Variants in KLHL31 observed in about 807,000 individuals in gnomAD.
The protein encoded by KLHL31 is kelch like family member 31, also known as kelch-like protein 31.
A neutral mutation model predicts 47.1 loss-of-function variants in KLHL31; 32 were observed. The ratio of observed to expected loss-of-function variants is 0.68; its 90% CI spans 0.51 to 0.91. The LOEUF (loss-of-function observed/expected upper bound fraction) is 0.91, where lower values mean the gene tolerates loss of function less well. KLHL31 is among the 40% of genes least tolerant of loss of function. The pLI is 0.00. For synonymous variants in KLHL31, 330 were observed against 325.1 expected (o/e 1.01, Z -0.16); for missense variants, 797 against 819.3 (o/e 0.97, Z 0.33).
In KLHL31 at chr6:53,655,101, T is replaced by C; in HGVS notation, c.172A>G (p.Asn58Asp). ...ATTTTACTTAAACCTTCCAAGAGGT[T>C]GGGGCCATAAGAAGCATCTGTTAGT... ...SELTDASYGP[N>D]LLEGLSKMRQ... The change falls in exon 2 of 3, where the codon AAC becomes GAC. Residue 58 changes from asparagine to aspartate, a missense_variant. Physicochemically the swap from Asn to Asp is conservative, Grantham distance 23. Coordinates refer to ENST00000370905, the MANE Select transcript of KLHL31 (RefSeq NM_001003760.5). 1 of 1,614,208 alleles carries C rather than the reference T, an allele frequency of 6.2e-7. No individual in the cohort carries two copies. Among genetic ancestry groups the C allele is most frequent in the Non-Finnish European group, 8.5e-7 (1 of 1,180,036 alleles).
intron 1 of KLHL31, among the ~76,000 whole-genome samples, chr6:53,661,093 C>G (rs1764638662): frequency 6.6e-6 from 1 of 152,170 alleles, no homozygotes; most frequent in African/African-American, 2.4e-5. Flanking sequence ...ATGTTGACTT[C>G]AGGGCTGCAG....
rs554072367 is a variant in KLHL31, at chr6:53,652,104, G to A, written c.1399C>T (p.Arg467Cys). Residue 467 changes from arginine to cysteine, a missense_variant, in exon 3 of 3, where the codon CGC becomes TGC. By Grantham distance (180) the Arg-to-Cys change is radical (BLOSUM62 -3). Transcript: ENST00000370905. ...CCHASAVADG[R>C]VLVTGGYIAN... ...ATGTAGCCTCCGGTCACCAGCACGC[G>A]GCCGTCGGCGACCGCGCTAGCGTGG... The A allele has an allele frequency of 2.5e-6, 4 of 1,600,206 alleles. No homozygotes were observed. The highest frequency in any genetic ancestry group is 1.1e-5 in the South Asian group (1 of 90,836).
rs1316762363 is a variant in KLHL31 at position 53,649,124 on chromosome 6, T to C, written c.*2474A>G. 1.3e-5 allele frequency: 2 copies of C among 152,198 alleles called. No individual in the cohort carries two copies. The highest frequency in any genetic ancestry group is 4.8e-5 in the African/African-American group (2 of 41,464). The allele number at this position is 152,198 out of a possible 1,614,324, so 9.4% of individuals were successfully genotyped here. On this transcript the variant is annotated 3_prime_UTR_variant, in exon 3 of 3. Coordinates refer to ENST00000370905, the MANE Select transcript of KLHL31 (RefSeq NM_001003760.5). ...TAGGAGCAACTGCTTCAATAGTTGG[T>C]GTAAAGAATATGTTTCACTTACACA...
At chr6:53,652,544 C>T in intron 2 of KLHL31, 1 of 607,104 alleles carries the variant, frequency 1.6e-6, no homozygotes, top group Non-Finnish European at 2.9e-6. Context: ...ACCCCTCGCC[C>T]CCGTTTATAA....
At position 53,652,138 on chromosome 6, in the gene KLHL31, C is replaced by G; in HGVS notation, c.1365G>C (p.Ala455=). The stretch of plus-strand genomic sequence containing the variant: ...CGACCGCGCTAGCGTGGCAGCAGCG[C>G]GCCACCTCCAGGGGCGTCTTCGGCT... ...QWQPKTPLEV[A]RCCHASAVAD... is the part of the protein sequence containing the mutation. Residue 455 remains alanine, a synonymous_variant, in exon 3 of 3, where the codon GCG becomes GCC. Coordinates refer to ENST00000370905, the MANE Select transcript of KLHL31 (RefSeq NM_001003760.5). 6.2e-7 allele frequency: 1 copy of G among 1,602,748 alleles called. No individual in the cohort carries two copies. The highest frequency in any genetic ancestry group is 8.5e-7 in the Non-Finnish European group (1 of 1,178,376).
Position 53,654,464 on chromosome 6 carries a change from T to G in KLHL31, c.809A>C (p.Asn270Thr), listed in dbSNP as rs201277642. ...CATTCTTGGTACGGATTGAACATAA[T>G]TGACCAGGTCTTGTGCAGAGATGGT... ...FGTISAQDLV[N>T]YVQSVPRMMQ... The change falls in exon 2 of 3, where the codon AAT becomes ACT. Residue 270 changes from asparagine (N) to threonine (T), a missense_variant. Coordinates refer to ENST00000370905, the MANE Select transcript of KLHL31 (RefSeq NM_001003760.5). 2.5e-6 allele frequency: 4 copies of G among 1,614,200 alleles called. No individual in the cohort carries two copies. The highest frequency in any genetic ancestry group is 3.3e-5 in the Admixed American group (2 of 60,032).
chr6:53,655,304 T>C lies in KLHL31; in HGVS notation c.-32A>G. The C allele has an allele frequency of 7.1e-7, 1 of 1,400,422 alleles. No individual in the cohort carries two copies. Among genetic ancestry groups the C allele is most frequent in the Non-Finnish European group, 9.5e-7 (1 of 1,048,002 alleles). 86.7% of individuals were successfully genotyped at this position (1,400,422 alleles called of 1,614,324 possible). A position where few individuals can be genotyped will look rare whatever the true frequency, so the allele number is the denominator to read the frequency against. The stretch of plus-strand genomic sequence containing the variant: ...AAATACACTGTTACAGGCAAGAGCT[T>C]GCTAAAAAGAGAAAAAAAAAAACAT... On this transcript the variant is annotated splice_region_variant and 5_prime_UTR_variant, in exon 2 of 3. Transcript: ENST00000370905.
Position 53,654,542 on chromosome 6 carries a change from T to G in KLHL31, c.731A>C (p.Asp244Ala). 6.2e-7 allele frequency: 1 copy of G among 1,614,200 alleles called. No individual in the cohort carries two copies. Among genetic ancestry groups the G allele is most frequent in the Non-Finnish European group, 8.5e-7 (1 of 1,180,032 alleles). ...FQIAMKWLEF[D>A]QKRVKYAADL... The stretch of plus-strand genomic sequence containing the variant: ...TGCAGCGTATTTTACTCTCTTTTGG[T>G]CAAATTCTAACCATTTCATTGCAAT... The change falls in exon 2 of 3, where the codon GAC becomes GCC. Residue 244 changes from aspartate (D) to alanine (A), a missense_variant. By Grantham distance (126) the Asp-to-Ala change is moderately radical. Coordinates refer to ENST00000370905, the MANE Select transcript of KLHL31 (RefSeq NM_001003760.5).
rs2127366489 is a variant in KLHL31, at chr6:53,648,403, T to C, written c.*3195A>G. ...AATGAGGTGATTTTAGTTTATTTCG[T>C]CTCGTAACTTGGATGAGTTCTGAAG... On this transcript the variant is annotated 3_prime_UTR_variant, in exon 3 of 3. Transcript: ENST00000370905. 1 of 152,308 alleles carries C rather than the reference T, an allele frequency of 6.6e-6. No homozygotes were observed. Among genetic ancestry groups the C allele is most frequent in the Non-Finnish European group, 1.5e-5 (1 of 68,016 alleles). The allele number at this position is 152,308 out of a possible 1,614,324, so 9.4% of individuals were successfully genotyped here. A position where few individuals can be genotyped will look rare whatever the true frequency, so the allele number is the denominator to read the frequency against.
chr6:53,656,931 CTTTTTTTTTTT>C (rs10665063), intron 1 of KLHL31, among the ~76,000 whole-genome samples: 3 of 98,438 alleles, frequency 3.0e-5, no homozygotes, highest in African/African-American at 1.2e-4. Flanking sequence ...GTATTTTTAA[CTTTTTTTTTTT>C]TTTTTTTTGA....
At position 53,650,332 on chromosome 6, in the gene KLHL31, G is replaced by C. The variant is rs6941645; in HGVS notation, c.*1266C>G. ...AAAACTTGGCAAACATATAGGAAAAGTGCTATCAAGTGGGTACACTTTGAT... is the reference window on the plus strand; with the variant it reads ...AAAACTTGGCAAACATATAGGAAAACTGCTATCAAGTGGGTACACTTTGAT... On this transcript the variant is annotated 3_prime_UTR_variant, in exon 3 of 3. Coordinates refer to ENST00000370905, the MANE Select transcript of KLHL31 (RefSeq NM_001003760.5). The C allele has an allele frequency of 6.6e-6, 1 of 152,164 alleles. No homozygotes were observed. Among genetic ancestry groups the C allele is most frequent in the African/African-American group, 2.4e-5 (1 of 41,422 alleles). 9.4% of individuals were successfully genotyped at this position (152,164 alleles called of 1,614,324 possible).
chr6:53,651,465 T>C lies in KLHL31; in HGVS notation c.*133A>G. The C allele has an allele frequency of 1.5e-6, 1 of 673,076 alleles. No individual in the cohort carries two copies. Among genetic ancestry groups the C allele is most frequent in the Non-Finnish European group, 2.2e-6 (1 of 447,042 alleles). 41.7% of individuals were successfully genotyped at this position (673,076 alleles called of 1,614,324 possible). A position where few individuals can be genotyped will look rare whatever the true frequency, so the allele number is the denominator to read the frequency against. ...AGGAATTTAAAGCCATCAGGACATG[T>C]GCCTCGACATATTTTACAATACAAT... On this transcript the variant is annotated 3_prime_UTR_variant, in exon 3 of 3. Transcript: ENST00000370905.
At chr6:53,664,391 T>C (rs1169491610) in intron 1 of KLHL31, among the ~76,000 whole-genome samples, 1 of 152,180 alleles carries the variant, frequency 6.6e-6, no homozygotes, top group Non-Finnish European at 1.5e-5. Context: ...AAACATACTG[T>C]GTGCATATGT....
In KLHL31 at chr6:53,654,243, C is replaced by A; in HGVS notation, c.1030G>T (p.Gly344Ter). ...RDILYRDPEN[G>*]WSKLTEMPAK... ...GGCATTTCCGTAAGCTTGCTCCATC[C>A]ATTTTCAGGGTCTCTATACAAGATG... Residue 344 changes from glycine to a stop codon, truncating the protein, a stop_gained, in exon 2 of 3, where the codon GGA becomes TGA. Coordinates refer to ENST00000370905, the MANE Select transcript of KLHL31 (RefSeq NM_001003760.5). LOFTEE classifies it high-confidence loss of function. 1 of 1,614,188 alleles carries A rather than the reference C, an allele frequency of 6.2e-7. No individual in the cohort carries two copies. The highest frequency in any genetic ancestry group is 8.5e-7 in the Non-Finnish European group (1 of 1,180,026).
In KLHL31 at chr6:53,655,313, G is replaced by T; in HGVS notation, c.-33-8C>A. ...GTTACAGGCAAGAGCTTGCTAAAAA[G>T]AGAAAAAAAAAAACATGGTTTTGTT... On this transcript the variant is annotated splice_region_variant and splice_polypyrimidine_tract_variant and intron_variant, in intron 1 of 2. Coordinates refer to ENST00000370905, the MANE Select transcript of KLHL31 (RefSeq NM_001003760.5). The T allele has an allele frequency of 6.3e-6, 8 of 1,278,964 alleles. No individual in the cohort carries two copies. The highest frequency in any genetic ancestry group is 8.4e-6 in the Non-Finnish European group (8 of 950,286). The allele number at this position is 1,278,964 out of a possible 1,614,324, so 79.2% of individuals were successfully genotyped here.
At chr6:53,653,040 T>C (rs1348980663) in intron 2 of KLHL31, among the ~76,000 whole-genome samples, 1 of 28,044 alleles carries the variant, frequency 3.6e-5, no homozygotes, top group African/African-American at 1.3e-4. Context: ...GATAAATATA[T>C]ATTTTTTTCA....
Position 53,654,558 on chromosome 6 carries a change from T to C in KLHL31, c.715A>G (p.Lys239Glu), listed in dbSNP as rs373170032. 13 of 1,614,076 alleles carry C rather than the reference T, an allele frequency of 8.1e-6. No individual in the cohort carries two copies. The African/African-American group carries it at 1.3e-4, about 17-fold the overall frequency. Residue 239 changes from lysine to glutamate, a missense_variant, in exon 2 of 3, where the codon AAA becomes GAA. By Grantham distance (56) the Lys-to-Glu change is moderately conservative. Transcript: ENST00000370905. ...CTCTTTTGGTCAAATTCTAACCATT[T>C]CATTGCAATCTGGAATGCTACTATC... The part of the protein sequence containing the change: ...SEIVAFQIAM[K>E]WLEFDQKRVK...
intron 1 of KLHL31, among the ~76,000 whole-genome samples, chr6:53,658,806 A>G (rs1197606062): frequency 6.6e-6 from 1 of 152,200 alleles, no homozygotes; most frequent in Admixed American, 6.5e-5. Flanking sequence ...CCATGAGTCA[A>G]AAAAGAAATC....
At chr6:53,663,985 C>T (rs982750843) in intron 1 of KLHL31, among the ~76,000 whole-genome samples, 5 of 152,166 alleles carry the variant, frequency 3.3e-5, no homozygotes, top group East Asian at 1.9e-4. Flanking sequence ...GTTATGAATA[C>T]ACAGCTGACT....
Sources: allele counts gnomAD v4.1 joint callset (sites outside exome capture counted in the v4.1 genomes callset), GRCh38; gene constraint gnomAD v4.1.1; transcripts MANE v1.5; gene names NCBI Gene and HGNC (gene_info 2026-07-23, HGNC 2026-07-21).